Variants in GNL3L observed in about 807,000 individuals in gnomAD.
The protein encoded by GNL3L is guanine nucleotide-binding protein-like 3-like protein.
A neutral mutation model predicts 42.9 loss-of-function variants in GNL3L; 4 were observed. The ratio of observed to expected loss-of-function variants is 0.09; its 90% CI spans 0.05 to 0.21. The LOEUF is 0.21. GNL3L is among the 10% of genes least tolerant of loss of function. The pLI, the probability that GNL3L is intolerant of heterozygous loss-of-function variation, is 1.00. For synonymous variants in GNL3L, 159 were observed against 176.3 expected, an observed-to-expected ratio of 0.90 and a Z score of 0.78; for missense variants, 412 against 481.7, an observed-to-expected ratio of 0.86 and a Z score of 1.36.
At chrX:54,638,616 G>A in the GNL3L span, among the ~76,000 whole-genome samples, 3 of 111,371 alleles carry the variant, frequency 2.7e-5, no homozygotes, top group African/African-American at 9.8e-5. Context: ...GATTACAGGC[G>A]CCTGGCTAAT....
At chrX:54,575,865 G>C (rs748136360) in intron 16 of GNL3L, among the ~76,000 whole-genome samples, 1 of 111,882 alleles carries the variant, frequency 8.9e-6, no homozygotes, top group Non-Finnish European at 1.9e-5. Flanking sequence ...AGCCGAGATC[G>C]CACCATTGCA....
At chrX:54,609,443 T>C (rs1489222371) in intron 16 of GNL3L, among the ~76,000 whole-genome samples, 2 of 112,374 alleles carry the variant, frequency 1.8e-5, no homozygotes, top group African/African-American at 6.5e-5. Flanking sequence ...TCTAGAAGGG[T>C]TTTTCCGATG....
At chrX:54,596,890 A>G (rs1925937263) in intron 16 of GNL3L, among the ~76,000 whole-genome samples, 1 of 110,941 alleles carries the variant, frequency 9.0e-6, no homozygotes, top group Admixed American at 9.5e-5. Flanking sequence ...TTATGGCCCA[A>G]GGTCTCTTAA....
At chrX:54,558,338 G>A in intron 14 of GNL3L, 98 bp from the exon 15 acceptor site, 1 of 591,623 alleles carries the variant, frequency 1.7e-6, no homozygotes. Flanking sequence ...CCAGGCTCCT[G>A]TTCTTACCCA....
At chrX:54,600,814 A>C (rs1925997154) in intron 16 of GNL3L, among the ~76,000 whole-genome samples, 1 of 111,467 alleles carries the variant, frequency 9.0e-6, no homozygotes, top group Non-Finnish European at 1.9e-5. Context: ...GTTCTCCAAA[A>C]AGAGGTACCA....
intron 16 of GNL3L, among the ~76,000 whole-genome samples, chrX:54,590,374 C>G (rs1235519116): frequency 8.9e-6 from 1 of 112,166 alleles, no homozygotes; most frequent in African/African-American, 3.2e-5. Flanking sequence ...AATGTCTATT[C>G]AAATATTTTG....
intron 13 of GNL3L, among the ~76,000 whole-genome samples, chrX:54,553,576 G>C (rs940395065): frequency 1.8e-5 from 2 of 111,122 alleles, no homozygotes; most frequent in Admixed American, 1.9e-4. Flanking sequence ...ATCTTGCTTT[G>C]TTGCCCAGGC....
intron 2 of GNL3L, among the ~76,000 whole-genome samples, chrX:54,537,505 A>G (rs1175246019): frequency 9.0e-6 from 1 of 111,230 alleles, no homozygotes; most frequent in Non-Finnish European, 1.9e-5. Flanking sequence ...TTTTTCTTTT[A>G]TATTTTTGCT....
intron 16 of GNL3L, among the ~76,000 whole-genome samples, chrX:54,617,902 G>C (rs1926238963): frequency 9.0e-6 from 1 of 111,584 alleles, no homozygotes; most frequent in African/African-American, 3.3e-5. Flanking sequence ...TTTTGTTGTA[G>C]CAGCCCAAAC....
chrX:54,558,421 T>G lies in GNL3L; in HGVS notation c.1447-15T>G. On this transcript the variant is annotated splice_polypyrimidine_tract_variant and intron_variant, in intron 14 of 15. Transcript: ENST00000360845. ...GGGTTAAGACCTCATCGTTATGTTT[T>G]CTGTCTCTTCCTAGATTGGAGATCT... 1.8e-6 allele frequency: 2 copies of G among 1,131,120 alleles called. No individual in the cohort carries two copies. The highest frequency in any genetic ancestry group is 1.2e-6 in the Non-Finnish European group (1 of 822,319). 93.2% of individuals were successfully genotyped at this position (1,131,120 alleles called of 1,213,427 possible). A position where few individuals can be genotyped will look rare whatever the true frequency, so the allele number is the denominator to read the frequency against.
rs753696402 is a variant in GNL3L, at chrX:54,608,345, T to C, written c.*46-12500T>C. 2.1e-4 allele frequency among the ~76,000 whole-genome samples: 23 copies of C among 111,960 alleles called. 1 individual carries two copies. Among genetic ancestry groups the C allele is most frequent in the Non-Finnish European group, 4.3e-4 (23 of 53,158 alleles). ...ATTCACATAACCATAAAACTAACAA[T>C]TTTATTTATTATTTTTTATTTTTCC... On this transcript the variant is annotated intron_variant, in intron 16 of 16. Transcript: ENST00000674498.
At chrX:54,591,277 T>C (rs1925868313) in intron 16 of GNL3L, among the ~76,000 whole-genome samples, 1 of 111,056 alleles carries the variant, frequency 9.0e-6, no homozygotes, top group Non-Finnish European at 1.9e-5. Flanking sequence ...CCAGTGTATG[T>C]TTTTGGCACC....
chrX:54,626,726 A>G, the GNL3L span, among the ~76,000 whole-genome samples: 1 of 111,632 alleles, frequency 9.0e-6, no homozygotes, highest in Non-Finnish European at 1.9e-5. Context: ...GTGATATGAT[A>G]TCTCATTGTG....
intron 16 of GNL3L, among the ~76,000 whole-genome samples, chrX:54,595,534 C>G (rs966707414): frequency 1.6e-4 from 18 of 111,424 alleles, no homozygotes; most frequent in African/African-American, 5.9e-4. Flanking sequence ...GTTAAATCTG[C>G]ATGGCGTTCT....
chrX:54,644,123 G>T, the GNL3L span, among the ~76,000 whole-genome samples: 1 of 111,793 alleles, frequency 8.9e-6, no homozygotes, highest in African/African-American at 3.2e-5. Flanking sequence ...TCTTTTGGAT[G>T]TATACCTAGC....
At chrX:54,539,760 G>A (rs1182440346) in intron 3 of GNL3L, among the ~76,000 whole-genome samples, 1 of 111,643 alleles carries the variant, frequency 9.0e-6, no homozygotes, top group Non-Finnish European at 1.9e-5. Context: ...ACTCTTTTGA[G>A]AGTCACTTAT....
Position 54,562,093 on chromosome X carries a change from T to C in GNL3L, c.*1491T>C, listed in dbSNP as rs183525461. Among the ~76,000 whole-genome samples the C allele has an allele frequency of 1.4e-3, 155 of 112,342 alleles. No individual in the cohort carries two copies. In the South Asian group the frequency reaches 0.017, roughly 13 times the overall value. On this transcript the variant is annotated 3_prime_UTR_variant, in exon 16 of 16. Transcript: ENST00000360845. ...ATTTATTTTGCTCTGTTGCCCAGGC[T>C]GGAGTGCAATGGCGTGATCTCGGCT...
chrX:54,558,501 T>C lies in GNL3L; in HGVS notation c.1512T>C (p.Asn504=). 1 of 1,209,279 alleles carries C rather than the reference T, an allele frequency of 8.3e-7. No homozygotes were observed. Among genetic ancestry groups the C allele is most frequent in the African/African-American group, 1.7e-5 (1 of 57,664 alleles). ...ATCAGATGGGGTGGGCTAAACGCAA[T>C]GTGGACCACCGCCCTAAGAGCAACA... ...NRHQMGWAKR[N]VDHRPKSNSM... Residue 504 remains asparagine, a synonymous_variant, in exon 15 of 16, where the codon AAT becomes AAC. Transcript: ENST00000360845.
chrX:54,607,056 CT>C (rs761671714), intron 16 of GNL3L, among the ~76,000 whole-genome samples: 111 of 48,041 alleles, frequency 2.3e-3, no homozygotes, highest in African/African-American at 7.4e-3. Flanking sequence ...TTCTTTCTTT[CT>C]TTCTTTCTTT....
Sources: allele counts gnomAD v4.1 joint callset (sites outside exome capture counted in the v4.1 genomes callset), GRCh38; gene constraint gnomAD v4.1.1; transcripts MANE v1.5; gene names NCBI Gene and HGNC (gene_info 2026-07-23, HGNC 2026-07-21).